The following PRR32 variants were observed in gnomAD, a reference collection of about 807,000 sequenced individuals.
PRR32 encodes the protein proline-rich protein 32.
In PRR32, 2 loss-of-function variants were observed where a neutral mutation model predicts 1.3. The ratio of observed to expected loss-of-function variants is 1.49; its 90% CI spans 0.61 to 4.68. PRR32 has a LOEUF of 4.68. PRR32 is among the 30% of genes most tolerant of loss of function. PRR32 has a pLI of 0.06. For synonymous variants in PRR32, 107 were observed against 88.7 expected (o/e 1.21, Z -1.16); for missense variants, 241 against 232.5 (o/e 1.04, Z -0.24).
chrX:126,821,034 C>T lies in PRR32; in HGVS notation c.396C>T (p.Val132=). The change falls in exon 2 of 2, where the codon GTC becomes GTT. Residue 132 remains valine, a synonymous_variant. Transcript: ENST00000371125. ...ATGCTATTAATGTGTCCTGGGAAGT[C>T]TCTGGCGGCCCTCCTGCACTGATAG... is the stretch of plus-strand genomic sequence containing the variant. ...GQDAINVSWE[V]SGGPPALIVG... 1.7e-6 allele frequency: 2 copies of T among 1,164,934 alleles called. No homozygotes were observed.
rs144385481 is a variant in PRR32 at position 126,820,918 on chromosome X, G to A, written c.280G>A (p.Gly94Arg). Residue 94 changes from glycine to arginine, a missense_variant, in exon 2 of 2, where the codon GGG becomes AGG. Transcript: ENST00000371125. ...CTTGAGAGCTCATAGACACCCCTAC[G>A]GGCCACCACCTGCTGTTGCAGAAGA... Reference protein sequence around the residue: ...HSLRAHRHPYGPPPAVAEESL... With the variant: ...HSLRAHRHPYRPPPAVAEESL... 1.4e-3 allele frequency: 1,671 copies of A among 1,165,730 alleles called. 17 individuals carry two copies. The African/African-American group carries it at 0.026, about 18-fold the overall frequency.
chrX:126,819,767 A>G lies in PRR32; in HGVS notation c.-77A>G. 2 of 989,460 alleles carry G rather than the reference A, an allele frequency of 2.0e-6. No homozygotes were observed. The highest frequency in any genetic ancestry group is 4.9e-5 in the South Asian group (2 of 40,427). The allele number at this position is 989,460 out of a possible 1,213,427, so 81.5% of individuals were successfully genotyped here. ...AGCCTCTAAAGCAGAAGCAGGAGTC[A>G]TTTCTCCAGACCTAGCTGGCCTGTT... is the stretch of plus-strand genomic sequence containing the variant. On this transcript the variant is annotated 5_prime_UTR_variant, in exon 1 of 2. Coordinates refer to ENST00000371125, the MANE Select transcript of PRR32 (RefSeq NM_001122716.2).
chrX:126,821,051 C>T lies in PRR32; in HGVS notation c.413C>T (p.Ala138Val). 8.6e-7 allele frequency: 1 copy of T among 1,166,642 alleles called. No homozygotes were observed. Residue 138 changes from alanine to valine, a missense_variant, in exon 2 of 2, where the codon GCA becomes GTA. Ala to Val is a moderately conservative substitution (Grantham distance 64). Transcript: ENST00000371125. ...TGGGAAGTCTCTGGCGGCCCTCCTG[C>T]ACTGATAGTAGGGGGCACAAAGGTC... ...VSWEVSGGPPALIVGGTKVNN... is the reference protein window; with the variant it reads ...VSWEVSGGPPVLIVGGTKVNN...
chrX:126,821,648 C>A lies in PRR32; in HGVS notation c.*113C>A. On this transcript the variant is annotated 3_prime_UTR_variant, in exon 2 of 2. Coordinates refer to ENST00000371125, the MANE Select transcript of PRR32 (RefSeq NM_001122716.2). ...CACACTCTGTTTAGCACTAATGTGC[C>A]CTACTTGAAACCACGTACCCTCCCA... 1.0e-6 allele frequency: 1 copy of A among 995,380 alleles called. No homozygotes were observed. Among genetic ancestry groups the A allele is most frequent in the South Asian group, 2.4e-5 (1 of 41,016 alleles). 82.0% of individuals were successfully genotyped at this position (995,380 alleles called of 1,213,427 possible).
At position 126,819,752 on chromosome X, in the gene PRR32, G is replaced by T. The variant is rs750309760; in HGVS notation, c.-92G>T. The T allele has an allele frequency of 3.6e-6, 3 of 840,288 alleles. No individual in the cohort carries two copies. In the South Asian group the frequency reaches 8.7e-5, roughly 24 times the overall value. The allele number at this position is 840,288 out of a possible 1,213,427, so 69.2% of individuals were successfully genotyped here. ...TCATTCTAGTTGCCAAGCCTCTAAA[G>T]CAGAAGCAGGAGTCATTTCTCCAGA... On this transcript the variant is annotated 5_prime_UTR_variant, in exon 1 of 2. Coordinates refer to ENST00000371125, the MANE Select transcript of PRR32 (RefSeq NM_001122716.2).
At chrX:126,819,950 T>G in intron 1 of PRR32, 87 bp downstream of exon 1, 3 of 904,902 alleles carry the variant, frequency 3.3e-6, no homozygotes, top group Non-Finnish European at 4.6e-6. Context: ...CAGGGATGAA[T>G]GGGTTGGAGG....
chrX:126,819,992 G>T, intron 1 of PRR32, 129 bp downstream of exon 1: 1 of 617,497 alleles, frequency 1.6e-6, no homozygotes, highest in Non-Finnish European at 2.4e-6. Flanking sequence ...ACAAAAACTT[G>T]AAGGACATAA....
In PRR32 at chrX:126,819,854, T is replaced by C; in HGVS notation, c.11T>C (p.Ile4Thr). 5.1e-6 allele frequency: 6 copies of C among 1,165,672 alleles called. No homozygotes were observed. The South Asian group carries it at 9.6e-5, about 19-fold the overall frequency. Residue 4 changes from isoleucine to threonine, a missense_variant, in exon 1 of 2, where the codon ATT becomes ACT. Coordinates refer to ENST00000371125, the MANE Select transcript of PRR32 (RefSeq NM_001122716.2). ...TGATCAAATTTCTTCATGGCTTGTA[T>C]TGAAAACGTGTAAGTACAAAACCGA... Reference protein sequence around the residue: MACIENVLGGHAPS... With the variant: MACTENVLGGHAPS...
chrX:126,821,689 T>C lies in PRR32; in HGVS notation c.*154T>C, dbSNP rs113598976. 17 of 701,487 alleles carry C rather than the reference T, an allele frequency of 2.4e-5. No homozygotes were observed. The African/African-American group carries it at 3.1e-4, about 13-fold the overall frequency. The allele number at this position is 701,487 out of a possible 1,213,427, so 57.8% of individuals were successfully genotyped here. ...TACCCTCCCACACTCTGTTTAGCAC[T>C]AATGTGCCCTATTTGAAACCTTGTA... On this transcript the variant is annotated 3_prime_UTR_variant, in exon 2 of 2. Transcript: ENST00000371125.
Position 126,821,631 on chromosome X carries a change from G to A in PRR32, c.*96G>A. 2 of 1,045,404 alleles carry A rather than the reference G, an allele frequency of 1.9e-6. No individual in the cohort carries two copies. The highest frequency in any genetic ancestry group is 2.5e-6 in the Non-Finnish European group (2 of 792,913). 86.2% of individuals were successfully genotyped at this position (1,045,404 alleles called of 1,213,427 possible). A position where few individuals can be genotyped will look rare whatever the true frequency, so the allele number is the denominator to read the frequency against. On this transcript the variant is annotated 3_prime_UTR_variant, in exon 2 of 2. Coordinates refer to ENST00000371125, the MANE Select transcript of PRR32 (RefSeq NM_001122716.2). ...GAAACCTTGTACCCTCCCACACTCT[G>A]TTTAGCACTAATGTGCCCTACTTGA...
chrX:126,821,611 C>A lies in PRR32; in HGVS notation c.*76C>A. 2 of 1,092,281 alleles carry A rather than the reference C, an allele frequency of 1.8e-6. No individual in the cohort carries two copies. Among genetic ancestry groups the A allele is most frequent in the Non-Finnish European group, 2.4e-6 (2 of 828,411 alleles). The allele number at this position is 1,092,281 out of a possible 1,213,427, so 90.0% of individuals were successfully genotyped here. A position where few individuals can be genotyped will look rare whatever the true frequency, so the allele number is the denominator to read the frequency against. ...TCATTTATGCTTTTATATTTGAAAC[C>A]TTGTACCCTCCCACACTCTGTTTAG... On this transcript the variant is annotated 3_prime_UTR_variant, in exon 2 of 2. Transcript: ENST00000371125.
chrX:126,821,358 T>C lies in PRR32; in HGVS notation c.720T>C (p.Ser240=). 1.7e-6 allele frequency: 2 copies of C among 1,168,633 alleles called. No individual in the cohort carries two copies. The highest frequency in any genetic ancestry group is 1.9e-5 in the South Asian group (1 of 52,766). The part of the protein sequence containing the change: ...PLSSSTPGLP[S]CSTVHCFIPP... Reference sequence around the variant, plus strand: ...CTTCCAGTACTCCAGGTTTACCTTCTTGCTCTACTGTTCATTGTTTCATCC... The same window carrying C: ...CTTCCAGTACTCCAGGTTTACCTTCCTGCTCTACTGTTCATTGTTTCATCC... The change falls in exon 2 of 2, where the codon TCT becomes TCC. Residue 240 remains serine (S), a synonymous_variant. Coordinates refer to ENST00000371125, the MANE Select transcript of PRR32 (RefSeq NM_001122716.2).
At chrX:126,820,011 AC>A (rs1930530093) in intron 1 of PRR32, 148 bp downstream of exon 1, 1 of 527,051 alleles carries the variant, frequency 1.9e-6, no homozygotes, top group Non-Finnish European at 3.0e-6. Flanking sequence ...AAATTTAGTT[AC>A]TAAGAATACC....
At position 126,820,701 on chromosome X, in the gene PRR32, C is replaced by T; in HGVS notation, c.63C>T (p.Asp21=). 1 of 1,167,777 alleles carries T rather than the reference C, an allele frequency of 8.6e-7. No homozygotes were observed. The highest frequency in any genetic ancestry group is 1.1e-6 in the Non-Finnish European group (1 of 872,934). Residue 21 remains aspartate (D), a synonymous_variant, in exon 2 of 2, where the codon GAC becomes GAT. Coordinates refer to ENST00000371125, the MANE Select transcript of PRR32 (RefSeq NM_001122716.2). ...CTTCACCCTTGGTAGTATCTGTGGA[C>T]AAAAATGGGAACCAGGAGCTGCACC... ...HAPSPLVVSV[D]KNGNQELHHD... is the part of the protein sequence containing the mutation.
At chrX:126,820,510 G>A (rs774674410) in intron 1 of PRR32, 149 bp from the exon 2 acceptor site, 50 of 689,885 alleles carry the variant, frequency 7.2e-5, no homozygotes, top group Non-Finnish European at 9.4e-5. Flanking sequence ...GGGCCAGAGC[G>A]CTGAGCAAGT....
Position 126,821,770 on chromosome X carries a change from G to T in PRR32, c.*235G>T. 8.2e-6 allele frequency: 3 copies of T among 368,094 alleles called. No homozygotes were observed. Among genetic ancestry groups the T allele is most frequent in the Non-Finnish European group, 1.4e-5 (3 of 217,547 alleles). 30.3% of individuals were successfully genotyped at this position (368,094 alleles called of 1,213,427 possible). On this transcript the variant is annotated 3_prime_UTR_variant, in exon 2 of 2. Transcript: ENST00000371125. ...CCCTACATACTGGAGATTAAATAAA[G>T]ATTGTGAAGTCTGAAATGCTGTAAA...
Position 126,821,683 on chromosome X carries a change from T to A in PRR32, c.*148T>A, listed in dbSNP as rs1290446850. The A allele has an allele frequency of 6.6e-6, 5 of 759,510 alleles. No individual in the cohort carries two copies. Among genetic ancestry groups the A allele is most frequent in the Middle Eastern group, 3.6e-4 (1 of 2,769 alleles). 62.6% of individuals were successfully genotyped at this position (759,510 alleles called of 1,213,427 possible). A position where few individuals can be genotyped will look rare whatever the true frequency, so the allele number is the denominator to read the frequency against. ...ACCACGTACCCTCCCACACTCTGTT[T>A]AGCACTAATGTGCCCTATTTGAAAC... On this transcript the variant is annotated 3_prime_UTR_variant, in exon 2 of 2. Transcript: ENST00000371125.
chrX:126,820,555 T>A (rs1028854221), intron 1 of PRR32, 104 bp from the exon 2 acceptor site: 3 of 1,004,767 alleles, frequency 3.0e-6, no homozygotes, highest in Non-Finnish European at 2.6e-6. Flanking sequence ...GCACTCCTTT[T>A]TTCCCTGGTA....
chrX:126,821,588 A>G lies in PRR32; in HGVS notation c.*53A>G, dbSNP rs1930563033. The G allele has an allele frequency of 2.7e-6, 3 of 1,131,165 alleles. No homozygotes were observed. Among genetic ancestry groups the G allele is most frequent in the Non-Finnish European group, 3.5e-6 (3 of 858,176 alleles). 93.2% of individuals were successfully genotyped at this position (1,131,165 alleles called of 1,213,427 possible). On this transcript the variant is annotated 3_prime_UTR_variant, in exon 2 of 2. Coordinates refer to ENST00000371125, the MANE Select transcript of PRR32 (RefSeq NM_001122716.2). Reference sequence around the variant, plus strand: ...TTGTGGAAAGAGGTGAAAGTTATTCATTTATGCTTTTATATTTGAAACCTT... The same window carrying G: ...TTGTGGAAAGAGGTGAAAGTTATTCGTTTATGCTTTTATATTTGAAACCTT...
Sources: gnomAD v4.1 joint callset for allele counts on GRCh38, gnomAD v4.1.1 for gene constraint, MANE v1.5 for transcripts, NCBI Gene and HGNC (gene_info 2026-07-23, HGNC 2026-07-21) for gene names.